NBPF15: variants seen among roughly 807,000 people sequenced by gnomAD.
NBPF15 encodes the protein NBPF family member NBPF15.
In NBPF15, 74 loss-of-function variants were observed where a neutral mutation model predicts 62.2. The observed-to-expected ratio is 1.19, with a 90% CI of 0.99 to 1.44. The LOEUF (loss-of-function observed/expected upper bound fraction) is 1.44. NBPF15 is among the 40% of genes most tolerant of loss of function. The pLI, the probability that NBPF15 is intolerant of heterozygous loss-of-function variation, is 0.00. For synonymous variants in NBPF15, 244 were observed against 209.7 expected, an observed-to-expected ratio of 1.16 and a Z score of -1.41; for missense variants, 790 against 550.0, an observed-to-expected ratio of 1.44 and a Z score of -4.36.
intron 20 of NBPF15, 38 bp from the exon 21 acceptor site, chr1:144,424,013 G>C (rs1382664071): frequency 1.3e-6 from 1 of 762,644 alleles, no homozygotes; most frequent in Non-Finnish European, 2.4e-6. Flanking sequence ...ACATTAAGCT[G>C]ATTCCCCTAC....
chr1:144,424,785 G>A lies in NBPF15; in HGVS notation c.1568C>T (p.Ser523Phe). The change falls in exon 20 of 22, where the codon TCC (serine) becomes TTC (phenylalanine). Residue 523 changes from serine (S) to phenylalanine (F), a missense_variant. By Grantham distance (155) the Ser-to-Phe change is radical. Coordinates refer to ENST00000581897, the MANE Select transcript of NBPF15 (RefSeq NM_001385408.1). Reference protein sequence around the residue: ...DSLDRCYSTPSSCLEQPDSCQ... With the variant: ...DSLDRCYSTPFSCLEQPDSCQ... ...GGAGTCAGGCTGTTCAAGACAACTG[G>A]AAGGAGTTGAATAACATCTATCCAG... 3.4e-6 allele frequency: 2 copies of A among 591,636 alleles called. No individual in the cohort carries two copies. Among genetic ancestry groups the A allele is most frequent in the Non-Finnish European group, 5.9e-6 (2 of 341,090 alleles). 36.6% of individuals were successfully genotyped at this position (591,636 alleles called of 1,614,324 possible).
In NBPF15 at chr1:144,428,088, A is replaced by G. The variant is rs1287780756; in HGVS notation, c.1041-98T>C. 15 of 744,248 alleles carry G rather than the reference A, an allele frequency of 2.0e-5. No individual in the cohort carries two copies. In the African/African-American group the frequency reaches 2.4e-4, roughly 12 times the overall value. 46.1% of individuals were successfully genotyped at this position (744,248 alleles called of 1,614,324 possible). A position where few individuals can be genotyped will look rare whatever the true frequency, so the allele number is the denominator to read the frequency against. ...GGCTAACATAAGGAAGAGTTTGAAA[A>G]GAAAAAGGACAGATCCATTAATGAG... On this transcript the variant is annotated intron_variant, in intron 15 of 21. Transcript: ENST00000581897.
At chr1:144,439,308 C>A (rs1441416429) in intron 8 of NBPF15, among the ~76,000 whole-genome samples, 7 of 151,914 alleles carry the variant, frequency 4.6e-5, no homozygotes, top group Non-Finnish European at 8.8e-5. Flanking sequence ...GATGCTGTCA[C>A]TTATAGACAG....
At chr1:144,451,009 G>T (rs185198186) in intron 4 of NBPF15, 139 bp from the exon 5 acceptor site, 2 of 152,286 alleles carry the variant, frequency 1.3e-5, no homozygotes, top group East Asian at 3.9e-4. Context: ...TGGGCCCAGG[G>T]GACCGGCGTT....
Position 144,427,984 on chromosome 1 carries a change from G to A in NBPF15, c.1047C>T (p.Ser349=), listed in dbSNP as rs1553539643. The change falls in exon 16 of 22, where the codon AGC becomes AGT. Residue 349 remains serine (S), a synonymous_variant. Transcript: ENST00000581897. ...GCTCTTTCTCATCCAGCAGCTCCCT[G>A]CTGAGCCTGGAAAAGTGGGAAAAAG... The part of the protein sequence containing the change: ...EDQEATGPRL[S]RELLDEKEPE... 4.0e-6 allele frequency: 3 copies of A among 757,156 alleles called. No homozygotes were observed. The highest frequency in any genetic ancestry group is 2.5e-5 in the East Asian group (1 of 40,528). The allele number at this position is 757,156 out of a possible 1,614,324, so 46.9% of individuals were successfully genotyped here. A position where few individuals can be genotyped will look rare whatever the true frequency, so the allele number is the denominator to read the frequency against.
chr1:144,440,675 C>T (rs1682177859), intron 6 of NBPF15: 1 of 138,152 alleles, frequency 7.2e-6, no homozygotes, highest in Admixed American at 7.3e-5. Flanking sequence ...TTGTTTGAGA[C>T]AGAGTCTCAC....
intron 3 of NBPF15, 39 bp downstream of exon 3, chr1:144,459,327 C>G (rs1444702419): frequency 6.6e-6 from 1 of 151,934 alleles, no homozygotes; most frequent in Non-Finnish European, 1.5e-5. Context: ...CCCATCTCTA[C>G]TAAAAATACA....
At chr1:144,444,494 C>T (rs1476688803) in intron 6 of NBPF15, among the ~76,000 whole-genome samples, 1 of 151,666 alleles carries the variant, frequency 6.6e-6, no homozygotes, top group African/African-American at 2.4e-5. Flanking sequence ...CTCTCCAAAC[C>T]TCTGTGATTT....
At chr1:144,442,171 T>TTATGTCCTAAGA (rs1408189144) in intron 6 of NBPF15, among the ~76,000 whole-genome samples, 1 of 114,318 alleles carries the variant, frequency 8.7e-6, no homozygotes, top group Non-Finnish European at 1.7e-5. Flanking sequence ...TGTATATATA[T>TTATGTCCTAAGA]ATATATATAA....
intron 18 of NBPF15, 146 bp from the exon 19 acceptor site, chr1:144,425,714 A>C: frequency 2.5e-6 from 1 of 396,832 alleles, no homozygotes; most frequent in Non-Finnish European, 4.3e-6. Flanking sequence ...GAGGCCTGAA[A>C]GCTGGTCATG....
At chr1:144,440,344 A>G (rs1681839601) in intron 6 of NBPF15, 49 bp from the exon 7 acceptor site, 1 of 1,094,610 alleles carries the variant, frequency 9.1e-7, no homozygotes, top group South Asian at 1.6e-5. Context: ...ATGGAATCTT[A>G]GGAGCCCTGC....
chr1:144,431,012 G>A (rs1396293645), intron 13 of NBPF15, among the ~76,000 whole-genome samples: 1 of 151,830 alleles, frequency 6.6e-6, no homozygotes, highest in African/African-American at 2.4e-5. Flanking sequence ...GAAGCGAGAA[G>A]AGAAGTTTAG....
chr1:144,431,065 T>C (rs1345540950), intron 13 of NBPF15, among the ~76,000 whole-genome samples: 1 of 151,682 alleles, frequency 6.6e-6, no homozygotes, highest in Non-Finnish European at 1.5e-5. Flanking sequence ...CCAATAAATA[T>C]GGGACTATGT....
In NBPF15 at chr1:144,423,921, T is replaced by C; in HGVS notation, c.1718A>G (p.Lys573Arg). The change falls in exon 21 of 22, where the codon AAA becomes AGA. Residue 573 changes from lysine (K) to arginine (R), a missense_variant. By Grantham distance (26) the Lys-to-Arg change is conservative. Coordinates refer to ENST00000581897, the MANE Select transcript of NBPF15 (RefSeq NM_001385408.1). ...KKRRGRRSKK[K>R]RRRGRKEGED... ...CCCTTCTTTTCTTCCCCTTCTTCTTTTCTTCTTTGATCTTCTTCCCCTTCT... is the reference window on the plus strand; with the variant it reads ...CCCTTCTTTTCTTCCCCTTCTTCTTCTCTTCTTTGATCTTCTTCCCCTTCT... The C allele has an allele frequency of 2.5e-6, 2 of 800,188 alleles. No homozygotes were observed. Among genetic ancestry groups the C allele is most frequent in the Non-Finnish European group, 2.2e-6 (1 of 449,930 alleles). 49.6% of individuals were successfully genotyped at this position (800,188 alleles called of 1,614,324 possible). A position where few individuals can be genotyped will look rare whatever the true frequency, so the allele number is the denominator to read the frequency against.
intron 14 of NBPF15, 33 bp downstream of exon 14, chr1:144,429,667 G>A: frequency 6.7e-6 from 4 of 596,272 alleles, no homozygotes; most frequent in Non-Finnish European, 1.2e-5. Flanking sequence ...GCCATGAACT[G>A]GAGCTTTATC....
Position 144,452,190 on chromosome 1 carries a change from A to G in NBPF15, c.-431-1320T>C, listed in dbSNP as rs115723317. Among the ~76,000 whole-genome samples, 309 of 152,144 alleles carry G rather than the reference A, an allele frequency of 2.0e-3. 4 individuals carry two copies. Among genetic ancestry groups the G allele is most frequent in the African/African-American group, 6.9e-3 (286 of 41,500 alleles). ...TAAAATAAAATAAAGACGGTTCACTACTTCAAATATTATTATGTGAAAATG... is the reference window on the plus strand; with the variant it reads ...TAAAATAAAATAAAGACGGTTCACTGCTTCAAATATTATTATGTGAAAATG... On this transcript the variant is annotated intron_variant, in intron 4 of 21. Transcript: ENST00000581897.
rs75399476 is a variant in NBPF15 at position 144,423,179 on chromosome 1, G to C, written c.1847C>G (p.Ser616Ter). The part of the protein sequence containing the change: ...DSLDRCYSTP[S>*]MYFEQPDSFQ... Reference sequence around the variant, plus strand: ...TGAGTCAGGTTGTTCAAAGTACATTGACGGAGTCGAATAACATCTATCCAG... The same window carrying C: ...TGAGTCAGGTTGTTCAAAGTACATTCACGGAGTCGAATAACATCTATCCAG... The change falls in exon 22 of 22, where the codon TCA becomes TGA. Residue 616 changes from serine to a stop codon, truncating the protein, a stop_gained. Transcript: ENST00000581897. LOFTEE classifies it high-confidence loss of function. 2.5e-6 allele frequency: 4 copies of C among 1,611,478 alleles called. No homozygotes were observed. In the African/African-American group the frequency reaches 5.4e-5, roughly 22 times the overall value.
At chr1:144,451,860 C>T (rs1571160242) in intron 4 of NBPF15, among the ~76,000 whole-genome samples, 1 of 151,424 alleles carries the variant, frequency 6.6e-6, no homozygotes, top group East Asian at 1.9e-4. Flanking sequence ...TCTTTCTTTT[C>T]CCCACAGTTC....
intron 6 of NBPF15, among the ~76,000 whole-genome samples, chr1:144,444,575 G>A (rs1386681624): frequency 6.6e-6 from 1 of 151,810 alleles, no homozygotes; most frequent in African/African-American, 2.4e-5. Flanking sequence ...TGAGGTTCCA[G>A]AGGAAGGTCT....
Sources: allele counts gnomAD v4.1 joint callset (sites outside exome capture counted in the v4.1 genomes callset), GRCh38; gene constraint gnomAD v4.1.1; transcripts MANE v1.5; gene names NCBI Gene and HGNC (gene_info 2026-07-23, HGNC 2026-07-21).